The following ERC1 variants were observed in gnomAD, a reference collection of about 807,000 sequenced individuals.
The protein encoded by ERC1 is RAB6 interacting protein 2.
In ERC1, 56 loss-of-function variants were observed where a neutral mutation model predicts 132.0. That is an observed-to-expected ratio of 0.42 (90% confidence interval 0.34 to 0.53). The LOEUF is 0.53. Ranked by LOEUF, ERC1 falls within the 20% of genes least tolerant of loss-of-function variation. ERC1 has a pLI of 0.03. For missense variants in ERC1, 1,202 were observed against 1,349.9 expected, an observed-to-expected ratio of 0.89 and a Z score of 1.72; for synonymous variants, 478 against 476.1, an observed-to-expected ratio of 1.00 and a Z score of -0.05.
chr12:1,119,347 C>T (rs530875426), intron 7 of ERC1, among the ~76,000 whole-genome samples: 2 of 151,934 alleles, frequency 1.3e-5, no homozygotes, highest in East Asian at 1.9e-4. Context: ...GAATCGCTCC[C>T]GTTTTGTAAC....
At position 1,115,564 on chromosome 12, in the gene ERC1, C is replaced by A. The variant is rs185194820; in HGVS notation, c.1402-302C>A. Reference sequence around the variant, plus strand: ...CAGTTGCTTACTGCTGTCTCATAGTCATCTAATTGAATTGGAATTTCCTTT... The same window carrying A: ...CAGTTGCTTACTGCTGTCTCATAGTAATCTAATTGAATTGGAATTTCCTTT... On this transcript the variant is annotated intron_variant, in intron 6 of 18. Coordinates refer to ENST00000360905, the MANE Select transcript of ERC1 (RefSeq NM_178040.4). 440 of 284,898 alleles carry A rather than the reference C, an allele frequency of 1.5e-3. 1 individual carries two copies. Among genetic ancestry groups the A allele is most frequent in the African/African-American group, 9.3e-3 (425 of 45,600 alleles). The allele number at this position is 284,898 out of a possible 1,614,324, so 17.6% of individuals were successfully genotyped here. A position where few individuals can be genotyped will look rare whatever the true frequency, so the allele number is the denominator to read the frequency against.
At chr12:1,107,498 G>A (rs1945389236) in intron 4 of ERC1, among the ~76,000 whole-genome samples, 1 of 152,192 alleles carries the variant, frequency 6.6e-6, no homozygotes, top group Non-Finnish European at 1.5e-5. Flanking sequence ...GTGAGGGTAT[G>A]ACAGGCCAGG....
intron 13 of ERC1, among the ~76,000 whole-genome samples, chr12:1,247,446 C>T (rs1187095839): frequency 2.6e-5 from 4 of 152,120 alleles, no homozygotes; most frequent in East Asian, 3.8e-4. Flanking sequence ...GTTTTTGCAG[C>T]TTTTCTGTAT....
At chr12:999,477 C>A (rs976696477) in intron 1 of ERC1, among the ~76,000 whole-genome samples, 1 of 152,090 alleles carries the variant, frequency 6.6e-6, no homozygotes, top group Non-Finnish European at 1.5e-5. Context: ...TGATTTCTCC[C>A]TCTCCTCCAC....
chr12:1,222,656 A>G (rs1285600204), intron 12 of ERC1, among the ~76,000 whole-genome samples: 2 of 152,214 alleles, frequency 1.3e-5, no homozygotes, highest in Admixed American at 6.5e-5. Flanking sequence ...GAAAACACAA[A>G]TACCTTAGTG....
At chr12:1,107,028 T>C (rs1345849707) in intron 4 of ERC1, among the ~76,000 whole-genome samples, 1 of 152,164 alleles carries the variant, frequency 6.6e-6, no homozygotes, top group African/African-American at 2.4e-5. Flanking sequence ...AGAAAGGTGA[T>C]TGAAGTAAAA....
chr12:994,625 C>G (rs1333826460), intron 1 of ERC1, among the ~76,000 whole-genome samples: 3 of 152,186 alleles, frequency 2.0e-5, no homozygotes, highest in Non-Finnish European at 4.4e-5. Flanking sequence ...GGTTCACTAA[C>G]ATCATTTGAA....
intron 17 of ERC1, among the ~76,000 whole-genome samples, chr12:1,441,082 CAG>C (rs1423292104): frequency 6.7e-6 from 1 of 149,678 alleles, no homozygotes; most frequent in Non-Finnish European, 1.5e-5. Flanking sequence ...TTTTTTGAGA[CAG>C]ATCTTGCTGC....
chr12:1,191,266 T>C (rs1955703171), intron 12 of ERC1, among the ~76,000 whole-genome samples: 1 of 152,136 alleles, frequency 6.6e-6, no homozygotes, highest in South Asian at 2.1e-4. Flanking sequence ...ATTTTTTATG[T>C]CTTCATTTTT....
Position 1,397,118 on chromosome 12 carries a change from T to G in ERC1, c.2926-11031T>G, listed in dbSNP as rs550370255. The stretch of plus-strand genomic sequence containing the variant: ...CATTCATAGTAAGATAATGGCAAGC[T>G]GAGGTGCTTTGTGACCAAAATCGAG... On this transcript the variant is annotated intron_variant, in intron 16 of 18. Coordinates refer to ENST00000360905, the MANE Select transcript of ERC1 (RefSeq NM_178040.4). Among the ~76,000 whole-genome samples, 3 of 152,298 alleles carry G rather than the reference T, an allele frequency of 2.0e-5. No individual in the cohort carries two copies. In the East Asian group the frequency reaches 5.8e-4, roughly 29 times the overall value.
chr12:1,041,107 T>TA (rs1226582186), intron 2 of ERC1, among the ~76,000 whole-genome samples: 1 of 151,854 alleles, frequency 6.6e-6, no homozygotes, highest in Non-Finnish European at 1.5e-5. Context: ...GATACTAAAA[T>TA]AAAAAAATAA....
intron 15 of ERC1, among the ~76,000 whole-genome samples, chr12:1,355,888 T>C (rs749435078): frequency 2.0e-5 from 3 of 152,118 alleles, no homozygotes; most frequent in Non-Finnish European, 4.4e-5. Context: ...TAAGGTAAAA[T>C]AGAGGTGCTC....
chr12:1,314,937 A>G lies in ERC1; in HGVS notation c.2780+24925A>G, dbSNP rs1275164514. ...AACTTTCAGAAGTAGTTTTCTAACT[A>G]TGTCAATGAAGTATTTCCAAATGAA... is the stretch of plus-strand genomic sequence containing the variant. On this transcript the variant is annotated intron_variant, in intron 15 of 18. Coordinates refer to ENST00000360905, the MANE Select transcript of ERC1 (RefSeq NM_178040.4). 3.3e-5 allele frequency among the ~76,000 whole-genome samples: 5 copies of G among 152,212 alleles called. No individual in the cohort carries two copies. In the East Asian group the frequency reaches 9.6e-4, roughly 29 times the overall value.
chr12:1,030,547 A>G (rs1307754475), intron 2 of ERC1, among the ~76,000 whole-genome samples: 5 of 152,058 alleles, frequency 3.3e-5, no homozygotes, highest in African/African-American at 1.2e-4. Flanking sequence ...AAAATGGTGA[A>G]ACCCTGTCTT....
chr12:1,110,382 A>G (rs759556535), intron 5 of ERC1, 35 bp downstream of exon 5: 2 of 1,543,248 alleles, frequency 1.3e-6, no homozygotes, highest in Non-Finnish European at 1.8e-6. Context: ...TCTTAAAAGG[A>G]GTTTGAAAAA....
chr12:1,116,842 A>C (rs891307053), intron 7 of ERC1, among the ~76,000 whole-genome samples: 11 of 152,078 alleles, frequency 7.2e-5, no homozygotes, highest in African/African-American at 2.4e-4. Flanking sequence ...CTGCCTCCCA[A>C]AGTGCTGGGA....
In ERC1 at chr12:1,062,382, A is replaced by T. The variant is rs548734406; in HGVS notation, c.670-20782A>T. Among the ~76,000 whole-genome samples, 4 of 152,102 alleles carry T rather than the reference A, an allele frequency of 2.6e-5. No individual in the cohort carries two copies. The East Asian group carries it at 7.7e-4, about 29-fold the overall frequency. ...AGCCATCTGCGTGCCTCAGTCTCCC[A>T]AAGTGCTGGGATTTCAGGCATGAGC... On this transcript the variant is annotated intron_variant, in intron 2 of 18. Transcript: ENST00000360905.
intron 18 of ERC1, among the ~76,000 whole-genome samples, chr12:1,479,391 G>A (rs1248746352): frequency 6.6e-6 from 1 of 152,082 alleles, no homozygotes; most frequent in African/African-American, 2.4e-5. Context: ...ACAGAAATGA[G>A]GCTTCCAATC....
intron 7 of ERC1, among the ~76,000 whole-genome samples, chr12:1,116,935 A>T (rs1946522002): frequency 6.6e-6 from 1 of 152,210 alleles, no homozygotes; most frequent in African/African-American, 2.4e-5. Flanking sequence ...GACTTCAGTT[A>T]GGTATCCACC....
Sources: allele counts gnomAD v4.1 joint callset (sites outside exome capture counted in the v4.1 genomes callset), GRCh38; gene constraint gnomAD v4.1.1; transcripts MANE v1.5; gene names NCBI Gene and HGNC (gene_info 2026-07-23, HGNC 2026-07-21).